The following DOCK2 variants were observed in gnomAD, a reference collection of about 807,000 sequenced individuals.
DOCK2 encodes dedicator of cytokinesis 2, also known as dedicator of cytokinesis protein 2.
In DOCK2, 87 loss-of-function variants were observed where a neutral mutation model predicts 248.9. That is an observed-to-expected ratio of 0.35 (90% CI 0.29 to 0.42). The LOEUF is 0.42. DOCK2 is among the 10% of genes least tolerant of loss of function. DOCK2 has a pLI of 1.00. For synonymous variants in DOCK2, 805 were observed against 821.6 expected (o/e 0.98, Z 0.35); for missense variants, 1,747 against 2,300.2 (o/e 0.76, Z 4.92).
intron 27 of DOCK2, among the ~76,000 whole-genome samples, chr5:169,941,847 G>T (rs1048167890): frequency 6.6e-6 from 1 of 152,166 alleles, no homozygotes; most frequent in Non-Finnish European, 1.5e-5. Flanking sequence ...ACTTCCCTGG[G>T]GCTGCCAATT....
intron 25 of DOCK2, among the ~76,000 whole-genome samples, chr5:169,792,125 T>C (rs1254768839): frequency 6.6e-6 from 1 of 152,090 alleles, no homozygotes; most frequent in East Asian, 1.9e-4. Context: ...TGAGAGACAG[T>C]GGGTCAGGGA....
At chr5:169,909,409 C>G (rs1418802354) in intron 27 of DOCK2, among the ~76,000 whole-genome samples, 1 of 152,014 alleles carries the variant, frequency 6.6e-6, no homozygotes, top group Non-Finnish European at 1.5e-5. Flanking sequence ...AAGATGCTAT[C>G]CAATTTGCAA....
At chr5:169,927,742 G>T (rs1445942896) in intron 27 of DOCK2, among the ~76,000 whole-genome samples, 1 of 152,088 alleles carries the variant, frequency 6.6e-6, no homozygotes, top group Non-Finnish European at 1.5e-5. Context: ...TCAGCCTCCC[G>T]AGTAGCTGGG....
At chr5:169,746,811 G>A (rs987159365) in intron 22 of DOCK2, among the ~76,000 whole-genome samples, 2 of 152,132 alleles carry the variant, frequency 1.3e-5, no homozygotes, top group African/African-American at 4.8e-5. Flanking sequence ...TTAATGAGGA[G>A]TCTCACCTTC....
intron 8 of DOCK2, among the ~76,000 whole-genome samples, 183 bp downstream of exon 8, chr5:169,684,533 G>T (rs970140970): frequency 1.3e-5 from 2 of 152,228 alleles, no homozygotes; most frequent in African/African-American, 4.8e-5. Flanking sequence ...TTTACCACCA[G>T]TTTTTTCCCA....
At chr5:169,982,957 A>G (rs1289981271) in intron 27 of DOCK2, 111 bp from the exon 28 acceptor site, 11 of 991,216 alleles carry the variant, frequency 1.1e-5, no homozygotes, top group Non-Finnish European at 1.4e-5. Flanking sequence ...ACATAATAGT[A>G]CTCAGTAAAT....
At chr5:169,997,914 G>C (rs1339771345) in intron 30 of DOCK2, 3 of 456,210 alleles carry the variant, frequency 6.6e-6, no homozygotes, top group Admixed American at 2.3e-5. Flanking sequence ...GGCCTGGACT[G>C]TATCCGTGCC....
At chr5:169,984,916 C>A (rs752403715) in intron 28 of DOCK2, among the ~76,000 whole-genome samples, 10 of 152,014 alleles carry the variant, frequency 6.6e-5, no homozygotes, top group South Asian at 2.1e-4. Flanking sequence ...ATCCAGATTT[C>A]TTTATTTATT....
chr5:169,941,112 C>T (rs940442521), intron 27 of DOCK2, among the ~76,000 whole-genome samples: 6 of 152,174 alleles, frequency 3.9e-5, no homozygotes, highest in East Asian at 1.9e-4. Context: ...ACTGAAGCCG[C>T]GCCCCGAAGG....
chr5:170,075,731 G>T, intron 46 of DOCK2: 1 of 570,514 alleles, frequency 1.8e-6, no homozygotes, highest in African/African-American at 1.9e-5. Flanking sequence ...GGCAAGGGAA[G>T]CTGGGGGTCT....
chr5:170,018,654 T>C (rs1040044042), intron 32 of DOCK2, among the ~76,000 whole-genome samples: 2 of 152,220 alleles, frequency 1.3e-5, no homozygotes, highest in African/African-American at 4.8e-5. Context: ...TATTCAATCA[T>C]GGCCCTATTT....
chr5:169,720,240 T>C (rs1393599514), intron 22 of DOCK2, among the ~76,000 whole-genome samples: 1 of 152,220 alleles, frequency 6.6e-6, no homozygotes, highest in Non-Finnish European at 1.5e-5. Context: ...CCAGTGAATC[T>C]AAGAGTGATT....
In DOCK2 at chr5:170,069,269, C is replaced by A. The variant is rs375768452; in HGVS notation, c.4728+49C>A. On this transcript the variant is annotated intron_variant, in intron 46 of 51. Transcript: ENST00000520908. Reference sequence around the variant, plus strand: ...GCATGCTGCTCTCCTTCCTCTCCCCCCACCGTGGTTCACTTGCCCCACGCT... The same window carrying A: ...GCATGCTGCTCTCCTTCCTCTCCCCACACCGTGGTTCACTTGCCCCACGCT... 415 of 1,594,952 alleles carry A rather than the reference C, an allele frequency of 2.6e-4. 1 individual carries two copies. Among genetic ancestry groups the A allele is most frequent in the Non-Finnish European group, 3.4e-4 (396 of 1,167,502 alleles).
rs1009044800 is a variant in DOCK2, at chr5:169,985,936, T to C, written c.2993+14T>C. 1.3e-6 allele frequency: 2 copies of C among 1,599,948 alleles called. No homozygotes were observed. The highest frequency in any genetic ancestry group is 1.7e-6 in the Non-Finnish European group (2 of 1,171,660). On this transcript the variant is annotated intron_variant, in intron 29 of 51. Coordinates refer to ENST00000520908, the MANE Select transcript of DOCK2 (RefSeq NM_004946.3). The stretch of plus-strand genomic sequence containing the variant: ...GGTTCAAAACAGGTGAGCTGCTACC[T>C]GCTTCCGCAAAGCTACCTTACCCAG...
At chr5:169,865,873 C>G (rs1165709742) in intron 27 of DOCK2, among the ~76,000 whole-genome samples, 2 of 152,216 alleles carry the variant, frequency 1.3e-5, no homozygotes, top group Non-Finnish European at 2.9e-5. Context: ...GGACATCTGC[C>G]CTTGCTTACT....
At chr5:169,667,343 A>G (rs1426352990) in intron 2 of DOCK2, among the ~76,000 whole-genome samples, 1 of 152,214 alleles carries the variant, frequency 6.6e-6, no homozygotes, top group Non-Finnish European at 1.5e-5. Flanking sequence ...CTCTGGTTGT[A>G]TGATCTTGGC....
At chr5:169,798,768 T>G (rs1171406399) in intron 25 of DOCK2, among the ~76,000 whole-genome samples, 2 of 152,178 alleles carry the variant, frequency 1.3e-5, no homozygotes, top group African/African-American at 4.8e-5. Flanking sequence ...CTTCCATAAA[T>G]GTGTAGAATG....
At chr5:169,887,377 A>G in intron 27 of DOCK2, among the ~76,000 whole-genome samples, 1 of 152,232 alleles carries the variant, frequency 6.6e-6, no homozygotes, top group Admixed American at 6.5e-5. Context: ...GGAAGAAAAA[A>G]ATCACCTGAA....
At position 170,050,400 on chromosome 5, in the gene DOCK2, A is replaced by G; in HGVS notation, c.4213+3A>G. The G allele has an allele frequency of 6.2e-7, 1 of 1,613,510 alleles. No individual in the cohort carries two copies. The highest frequency in any genetic ancestry group is 8.5e-7 in the Non-Finnish European group (1 of 1,179,646). ...TGTGAAGAATGCCCCAGGCCAGTGTATCCTTGGAGAATGCCCTAGCCAAGG... is the reference window on the plus strand; with the variant it reads ...TGTGAAGAATGCCCCAGGCCAGTGTGTCCTTGGAGAATGCCCTAGCCAAGG... On this transcript the variant is annotated splice_donor_region_variant and intron_variant, in intron 41 of 51. Coordinates refer to ENST00000520908, the MANE Select transcript of DOCK2 (RefSeq NM_004946.3).
Sources: gnomAD v4.1 joint callset for allele counts (sites outside exome capture counted in the v4.1 genomes callset) on GRCh38, gnomAD v4.1.1 for gene constraint, MANE v1.5 for transcripts, NCBI Gene and HGNC (gene_info 2026-07-23, HGNC 2026-07-21) for gene names.